POR: variants seen among roughly 807,000 people sequenced by gnomAD.
The protein encoded by POR is NADPH--cytochrome P450 reductase.
POR carries 56 observed loss-of-function variants against 84.0 expected under a neutral mutation model. That is an observed-to-expected ratio of 0.67 (90% confidence interval 0.54 to 0.83). The LOEUF (loss-of-function observed/expected upper bound fraction) is 0.83, where lower values mean the gene tolerates loss of function less well. POR is among the 40% of genes least tolerant of loss of function. The pLI is 0.00. For synonymous variants in POR, 414 were observed against 400.5 expected (o/e 1.03, Z -0.40); for missense variants, 938 against 944.3 (o/e 0.99, Z 0.09).
intron 8 of POR, among the ~76,000 whole-genome samples, chr7:75,983,066 C>T (rs1455565718): frequency 1.3e-5 from 2 of 152,152 alleles, no homozygotes; most frequent in Non-Finnish European, 2.9e-5. Flanking sequence ...TAGGGCTGGG[C>T]GAGGTGGCTC....
chr7:75,980,515 C>T (rs782256737), intron 5 of POR, 27 bp downstream of exon 5: 40 of 1,612,606 alleles, frequency 2.5e-5, no homozygotes, highest in Non-Finnish European at 3.2e-5. Flanking sequence ...CTGCTATGGG[C>T]TCCCGGTGGC....
At position 75,980,413 on chromosome 7, in the gene POR, C is replaced by T. The variant is rs1788946674; in HGVS notation, c.441C>T (p.Asp147=). ...GCATGGCCACCTACGGTGAGGGAGA[C>T]CCCACCGACAATGCCCAGGACTTCT... is the stretch of plus-strand genomic sequence containing the variant. Residue 147 remains aspartate, a synonymous_variant, in exon 5 of 16, where the codon GAC becomes GAT. Coordinates refer to ENST00000461988, the MANE Select transcript of POR (RefSeq NM_000941.3). The T allele has an allele frequency of 6.2e-7, 1 of 1,613,298 alleles. No homozygotes were observed. Among genetic ancestry groups the T allele is most frequent in the Non-Finnish European group, 8.5e-7 (1 of 1,179,882 alleles).
intron 2 of POR, chr7:75,968,154 G>A (rs1254213303): frequency 1.7e-5 from 8 of 458,370 alleles, no homozygotes; most frequent in Non-Finnish European, 3.1e-5. Flanking sequence ...TGTCCCTGGC[G>A]GCAGACTGCC....
At chr7:75,977,373 G>A (rs190875371) in intron 3 of POR, among the ~76,000 whole-genome samples, 1 of 152,306 alleles carries the variant, frequency 6.6e-6, no homozygotes, top group East Asian at 1.9e-4. Context: ...GACACACCAC[G>A]TGTAGCTGTG....
intron 1 of POR, among the ~76,000 whole-genome samples, chr7:75,944,216 G>C (rs1232782281): frequency 6.6e-6 from 1 of 152,134 alleles, no homozygotes; most frequent in Non-Finnish European, 1.5e-5. Context: ...ATAAGCAGGT[G>C]ACAGACAATA....
intron 6 of POR, 71 bp from the exon 7 acceptor site, chr7:75,981,446 T>C: frequency 6.9e-7 from 1 of 1,441,684 alleles, no homozygotes; most frequent in Non-Finnish European, 9.6e-7. Context: ...GGTCGGGGCG[T>C]GCCTGGCACC....
chr7:75,982,410 C>T (rs1029780432), intron 8 of POR, 88 bp downstream of exon 8: 40 of 1,105,742 alleles, frequency 3.6e-5, no homozygotes, highest in Non-Finnish European at 4.8e-5. Context: ...CCCATATCCC[C>T]ACAGGGCCCT....
rs6961174 is a variant in POR, at chr7:75,985,406, G to A, written c.1399-173G>A. On this transcript the variant is annotated intron_variant, in intron 12 of 15. Coordinates refer to ENST00000461988, the MANE Select transcript of POR (RefSeq NM_000941.3). The stretch of plus-strand genomic sequence containing the variant: ...AGATTCTCAGCATCTGTCCAGCCCC[G>A]GTCCCCAGAACCAGTCCGGGAAGCC... 1,040,203 of 1,117,826 alleles carry A rather than the reference G, an allele frequency of 0.93. 488,375 individuals are homozygous for A. Among genetic ancestry groups the A allele is most frequent in the Non-Finnish European group, 0.96 (782,335 of 814,434 alleles). 69.2% of individuals were successfully genotyped at this position (1,117,826 alleles called of 1,614,324 possible).
At chr7:75,965,509 C>A (rs777164890) in intron 2 of POR, among the ~76,000 whole-genome samples, 1 of 152,138 alleles carries the variant, frequency 6.6e-6, no homozygotes, top group Non-Finnish European at 1.5e-5. Context: ...CCAGCCCACC[C>A]CTCCTTTCCA....
At chr7:75,970,635 C>T (rs529886974) in intron 2 of POR, among the ~76,000 whole-genome samples, 7 of 151,930 alleles carry the variant, frequency 4.6e-5, no homozygotes, top group African/African-American at 1.7e-4. Flanking sequence ...GTGTCGGCCA[C>T]TGAGCTAGGT....
At chr7:75,967,867 A>T (rs1788253274) in intron 2 of POR, 1 of 358,642 alleles carries the variant, frequency 2.8e-6, no homozygotes, top group East Asian at 7.4e-5. Context: ...TCTTGGGCTC[A>T]TGGGGGCAGA....
intron 2 of POR, among the ~76,000 whole-genome samples, chr7:75,958,212 G>T (rs1787769570): frequency 6.6e-6 from 1 of 152,130 alleles, no homozygotes; most frequent in Admixed American, 6.6e-5. Context: ...CGCCTCCCAG[G>T]CTCAAGAGAT....
intron 2 of POR, among the ~76,000 whole-genome samples, chr7:75,956,954 G>A (rs781924601): frequency 2.0e-5 from 3 of 152,176 alleles, no homozygotes; most frequent in Admixed American, 6.5e-5. Context: ...TCAAACTCCC[G>A]ACCTCAGGTG....
rs969388342 is a variant in POR, at chr7:75,979,349, C to T, written c.238-102C>T. ...ACTCAAAGCCAGGAAGGAAAGGGGG[C>T]GGCCTGGAGGGCCCCCGCCTGCCAG... is the stretch of plus-strand genomic sequence containing the variant. On this transcript the variant is annotated intron_variant, in intron 3 of 15. Coordinates refer to ENST00000461988, the MANE Select transcript of POR (RefSeq NM_000941.3). 1.3e-4 allele frequency: 178 copies of T among 1,381,756 alleles called. No homozygotes were observed. The Middle Eastern group carries it at 2.5e-3, about 19-fold the overall frequency. The allele number at this position is 1,381,756 out of a possible 1,614,324, so 85.6% of individuals were successfully genotyped here. A position where few individuals can be genotyped will look rare whatever the true frequency, so the allele number is the denominator to read the frequency against.
At chr7:75,980,983 C>T (rs928738206) in intron 5 of POR, 65 bp from the exon 6 acceptor site, 14 of 1,488,674 alleles carry the variant, frequency 9.4e-6, no homozygotes, top group Non-Finnish European at 1.2e-5. Flanking sequence ...CCGCCCTGCC[C>T]CCATGGCCCC....
intron 1 of POR, among the ~76,000 whole-genome samples, chr7:75,919,607 G>A (rs1806752740): frequency 6.6e-6 from 1 of 152,000 alleles, no homozygotes; most frequent in Non-Finnish European, 1.5e-5. Flanking sequence ...GCCCAGGCTA[G>A]TTTCAAACTC....
At position 75,965,508 on chromosome 7, in the gene POR, C is replaced by T. The variant is rs41296482; in HGVS notation, c.189-6905C>T. ...TCTTGTCATGGCCACCCCAGCCCAC[C>T]CCTCCTTTCCATCCCCTTTGATTGC... On this transcript the variant is annotated intron_variant, in intron 2 of 15. Transcript: ENST00000461988. Among the ~76,000 whole-genome samples the T allele has an allele frequency of 1.2e-4, 18 of 152,274 alleles. No homozygotes were observed. The East Asian group carries it at 3.5e-3, about 29-fold the overall frequency.
intron 2 of POR, among the ~76,000 whole-genome samples, chr7:75,954,683 G>A (rs1211616200): frequency 6.6e-6 from 1 of 151,518 alleles, no homozygotes; most frequent in African/African-American, 2.4e-5. Flanking sequence ...GGGACTAAAG[G>A]TGTGCACCAC....
At chr7:75,956,836 G>A (rs10235840) in intron 2 of POR, among the ~76,000 whole-genome samples, 11,778 of 151,638 alleles carry the variant, frequency 0.078, 1,425 homozygotes, top group African/African-American at 0.26. Flanking sequence ...GGCGATTCTC[G>A]TGCCTCAGTC....
Sources: gnomAD v4.1 joint callset for allele counts (sites outside exome capture counted in the v4.1 genomes callset) on GRCh38, gnomAD v4.1.1 for gene constraint, MANE v1.5 for transcripts, NCBI Gene and HGNC (gene_info 2026-07-23, HGNC 2026-07-21) for gene names.